The following IQCK variants were observed in gnomAD, a reference collection of about 807,000 sequenced individuals.
The protein encoded by IQCK is IQ domain-containing protein K.
A neutral mutation model predicts 28.1 loss-of-function variants in IQCK; 29 were observed. The ratio of observed to expected loss-of-function variants is 1.03; its 90% confidence interval spans 0.77 to 1.41. IQCK has a LOEUF of 1.41. Among genes scored for constraint, IQCK ranks in the 40% most tolerant of loss-of-function variants. The probability of loss-of-function intolerance (pLI) is 0.00; values close to 1 mark genes in which losing one functional copy is unlikely to be tolerated. For missense variants in IQCK, 359 were observed against 314.7 expected (o/e 1.14, Z -1.07); for synonymous variants, 113 against 115.1 (o/e 0.98, Z 0.12).
At chr16:19,751,262 G>A (rs9925236) in intron 4 of IQCK, among the ~76,000 whole-genome samples, 1,791 of 152,170 alleles carry the variant, frequency 0.012, 29 homozygotes, top group African/African-American at 0.04. Context: ...GCAGGCCTGC[G>A]TAGGTGGGTC....
intron 4 of IQCK, among the ~76,000 whole-genome samples, chr16:19,750,706 T>C (rs1413035441): frequency 6.6e-6 from 1 of 152,016 alleles, no homozygotes; most frequent in Non-Finnish European, 1.5e-5. Flanking sequence ...AAGTGATCCA[T>C]CCAACTTGGC....
chr16:19,776,796 CAG>C (rs1373668159), intron 6 of IQCK, among the ~76,000 whole-genome samples: 5 of 152,298 alleles, frequency 3.3e-5, no homozygotes, highest in East Asian at 1.9e-4. Context: ...TACCTTTTAA[CAG>C]GGGTAGATGA....
At chr16:19,768,747 A>G (rs2055277760) in intron 6 of IQCK, among the ~76,000 whole-genome samples, 1 of 152,212 alleles carries the variant, frequency 6.6e-6, no homozygotes, top group African/African-American at 2.4e-5. Context: ...CTCCATCTCA[A>G]AAAAACAAAA....
chr16:19,763,827 A>G, intron 4 of IQCK, 21 bp from the exon 5 acceptor site: 1 of 1,588,698 alleles, frequency 6.3e-7, no homozygotes, highest in Non-Finnish European at 8.6e-7. Flanking sequence ...GTTGTAATTT[A>G]ATTATCTCTT....
chr16:19,719,250 A>C (rs1337972349), intron 1 of IQCK, among the ~76,000 whole-genome samples: 1 of 152,136 alleles, frequency 6.6e-6, no homozygotes, highest in Non-Finnish European at 1.5e-5. Flanking sequence ...TGCTCGATTT[A>C]CAGAAGGAGC....
At chr16:19,735,871 G>A (rs1413220316) in intron 4 of IQCK, 1 of 343,268 alleles carries the variant, frequency 2.9e-6, no homozygotes, top group East Asian at 7.7e-5. Flanking sequence ...AAGACCACTG[G>A]GCAACATAGT....
At chr16:19,743,658 G>A (rs2054867827) in intron 4 of IQCK, among the ~76,000 whole-genome samples, 1 of 152,242 alleles carries the variant, frequency 6.6e-6, no homozygotes, top group Admixed American at 6.5e-5. Flanking sequence ...TAAGTTCACA[G>A]CTAGAAAGTG....
chr16:19,847,082 C>A (rs1051684373), intron 9 of IQCK, among the ~76,000 whole-genome samples: 7 of 152,104 alleles, frequency 4.6e-5, no homozygotes, highest in Non-Finnish European at 7.4e-5. Context: ...GCCTCAATTT[C>A]TCAGTCAGTA....
chr16:19,733,694 C>T lies in IQCK; in HGVS notation c.247-4C>T, dbSNP rs755428017. 2 of 1,613,746 alleles carry T rather than the reference C, an allele frequency of 1.2e-6. No homozygotes were observed. The highest frequency in any genetic ancestry group is 1.7e-5 in the Admixed American group (1 of 59,904). ...ATTGCCTCCCCTCCCCTGTCTGCCT[C>T]CAGGTTGCGCCAGTAGAGGAAATGC... On this transcript the variant is annotated splice_polypyrimidine_tract_variant and splice_region_variant and intron_variant, in intron 2 of 7. Coordinates refer to ENST00000564186, the Ensembl canonical transcript of IQCK.
At chr16:19,781,260 T>A (rs1013303645) in intron 6 of IQCK, among the ~76,000 whole-genome samples, 8 of 152,192 alleles carry the variant, frequency 5.3e-5, no homozygotes, top group Non-Finnish European at 8.8e-5. Context: ...CTTGTTTTTT[T>A]AAAAAATGGT....
At chr16:19,725,911 CT>C (rs142793362) in intron 1 of IQCK, among the ~76,000 whole-genome samples, 7,728 of 150,730 alleles carry the variant, frequency 0.051, 647 homozygotes, top group African/African-American at 0.18. Context: ...TGAGAGATTT[CT>C]TTTTTTTCTT....
At chr16:19,822,419 C>G (rs966993727) in intron 7 of IQCK, among the ~76,000 whole-genome samples, 8 of 149,816 alleles carry the variant, frequency 5.3e-5, no homozygotes, top group African/African-American at 2.0e-4. Flanking sequence ...AAACAAATGT[C>G]CCATTAAGTG....
At chr16:19,842,631 T>C (rs1294978492) in intron 9 of IQCK, among the ~76,000 whole-genome samples, 3 of 152,200 alleles carry the variant, frequency 2.0e-5, no homozygotes, top group South Asian at 4.1e-4. Flanking sequence ...CCCTTGAAAA[T>C]GGTTTGCTTC....
intron 4 of IQCK, among the ~76,000 whole-genome samples, chr16:19,746,954 A>G (rs1474126975): frequency 6.6e-6 from 1 of 152,218 alleles, no homozygotes; most frequent in African/African-American, 2.4e-5. Flanking sequence ...TTTGCCATAT[A>G]ATAAACTACC....
chr16:19,805,243 T>A (rs2055819547), intron 7 of IQCK, among the ~76,000 whole-genome samples: 1 of 148,374 alleles, frequency 6.7e-6, no homozygotes, highest in South Asian at 2.1e-4. Flanking sequence ...GCACAGAGAA[T>A]GGCCAGCAGC....
At chr16:19,804,796 C>A (rs2055813152) in intron 7 of IQCK, among the ~76,000 whole-genome samples, 2 of 152,222 alleles carry the variant, frequency 1.3e-5, no homozygotes, top group Admixed American at 6.5e-5. Context: ...CCAAACATTT[C>A]TCATTCACAA....
intron 4 of IQCK, chr16:19,761,709 T>C (rs999303788): frequency 4.6e-5 from 12 of 262,702 alleles, no homozygotes; most frequent in African/African-American, 2.6e-4. Context: ...CAGGCTCAGC[T>C]TATCTTCTCC....
At chr16:19,745,703 A>G (rs553542120) in intron 4 of IQCK, among the ~76,000 whole-genome samples, 2 of 152,178 alleles carry the variant, frequency 1.3e-5, no homozygotes, top group South Asian at 4.1e-4. Context: ...ACGATTTATT[A>G]TTTTTCATGA....
At chr16:19,827,726 G>GAACAAAAA (rs1296107250), downstream of IQCK, among the ~76,000 whole-genome samples, 1 of 152,134 alleles carries the variant, frequency 6.6e-6, no homozygotes, top group Non-Finnish European at 1.5e-5. Context: ...GGTGGAGGAA[G>GAACAAAAA]GTTGCATGGA....
Sources: allele counts gnomAD v4.1 joint callset (sites outside exome capture counted in the v4.1 genomes callset), GRCh38; gene constraint gnomAD v4.1.1; transcripts MANE v1.5; gene names NCBI Gene and HGNC (gene_info 2026-07-23, HGNC 2026-07-21).